The following EFNA5 variants were observed in gnomAD, a reference collection of about 807,000 sequenced individuals.
EFNA5 encodes ephrin A5.
A neutral mutation model predicts 22.9 loss-of-function variants in EFNA5; 5 were observed. That is an observed-to-expected ratio of 0.22 (90% CI 0.11 to 0.46). The LOEUF (loss-of-function observed/expected upper bound fraction) is 0.46, where lower values mean the gene tolerates loss of function less well. Ranked by LOEUF, EFNA5 falls within the 20% of genes least tolerant of loss-of-function variation. The pLI, the probability that EFNA5 is intolerant of heterozygous loss-of-function variation, is 0.99. For missense variants in EFNA5, 237 were observed against 293.3 expected, an observed-to-expected ratio of 0.81 and a Z score of 1.40; for synonymous variants, 113 against 112.2, an observed-to-expected ratio of 1.01 and a Z score of -0.04.
intron 1 of EFNA5, among the ~76,000 whole-genome samples, chr5:107,483,820 G>C (rs752228300): frequency 6.6e-6 from 1 of 152,122 alleles, no homozygotes; most frequent in Non-Finnish European, 1.5e-5. Context: ...CCAAGAACTG[G>C]GTAAGGCTAG....
At chr5:107,545,794 C>A (rs2112464068) in intron 1 of EFNA5, among the ~76,000 whole-genome samples, 1 of 152,306 alleles carries the variant, frequency 6.6e-6, no homozygotes, top group African/African-American at 2.4e-5. Flanking sequence ...GCCTTTTGCA[C>A]AGACCAAAAG....
chr5:107,466,894 G>A (rs26245), intron 1 of EFNA5, among the ~76,000 whole-genome samples: 21,588 of 152,076 alleles, frequency 0.14, 1,810 homozygotes, highest in African/African-American at 0.22. Flanking sequence ...GAGAAATACC[G>A]AAGAAGAGAT....
chr5:107,579,645 T>C (rs1361384218), intron 1 of EFNA5, among the ~76,000 whole-genome samples: 2 of 152,138 alleles, frequency 1.3e-5, no homozygotes, highest in African/African-American at 2.4e-5. Context: ...TCTCTCTCTG[T>C]CTGAATAATA....
intron 1 of EFNA5, among the ~76,000 whole-genome samples, chr5:107,634,070 T>C (rs1380035139): frequency 1.3e-5 from 2 of 152,222 alleles, no homozygotes; most frequent in Non-Finnish European, 2.9e-5. Context: ...CCACACAGTA[T>C]GTTTAATGGT....
intron 2 of EFNA5, among the ~76,000 whole-genome samples, chr5:107,391,525 A>T (rs1433374848): frequency 6.6e-6 from 1 of 152,192 alleles, no homozygotes; most frequent in Non-Finnish European, 1.5e-5. Context: ...CAGGTGAAAA[A>T]AAAATCTAGA....
intron 1 of EFNA5, among the ~76,000 whole-genome samples, chr5:107,514,860 T>A (rs542148916): frequency 1.9e-3 from 285 of 152,260 alleles, no homozygotes; most frequent in Admixed American, 3.7e-3. Context: ...TAAGAAGAAA[T>A]TAGGCAGATA....
chr5:107,458,336 T>A (rs1466637429), intron 1 of EFNA5, among the ~76,000 whole-genome samples: 2 of 152,056 alleles, frequency 1.3e-5, no homozygotes, highest in Non-Finnish European at 2.9e-5. Flanking sequence ...ATTCCTTTCC[T>A]CAAAGATTTC....
At chr5:107,549,785 T>C (rs1393914445) in intron 1 of EFNA5, among the ~76,000 whole-genome samples, 1 of 152,250 alleles carries the variant, frequency 6.6e-6, no homozygotes, top group South Asian at 2.1e-4. Flanking sequence ...GATCAGGCAT[T>C]GCTGCCCTGA....
chr5:107,542,518 C>T (rs959492782), intron 1 of EFNA5, among the ~76,000 whole-genome samples: 5 of 151,872 alleles, frequency 3.3e-5, no homozygotes, highest in Non-Finnish European at 7.4e-5. Flanking sequence ...CATAAACTTC[C>T]CACTTTCCTT....
rs1751183723 is a variant in EFNA5, at chr5:107,670,796, G to C, written c.-183C>G. The C allele has an allele frequency of 2.7e-6, 2 of 753,586 alleles. No homozygotes were observed. Among genetic ancestry groups the C allele is most frequent in the South Asian group, 1.9e-5 (1 of 52,372 alleles). 46.7% of individuals were successfully genotyped at this position (753,586 alleles called of 1,614,324 possible). A position where few individuals can be genotyped will look rare whatever the true frequency, so the allele number is the denominator to read the frequency against. On this transcript the variant is annotated 5_prime_UTR_variant, in exon 1 of 5. Transcript: ENST00000333274. ...CCAAGCTGGGGAGGGGTAGGAGAGCGAGAAGAAAAGAAGGCGGTGGGATGG... is the reference window on the plus strand; with the variant it reads ...CCAAGCTGGGGAGGGGTAGGAGAGCCAGAAGAAAAGAAGGCGGTGGGATGG...
rs569437433 is a variant in EFNA5, at chr5:107,592,292, G to A, written c.125+78197C>T. On this transcript the variant is annotated intron_variant, in intron 1 of 4. Coordinates refer to ENST00000333274, the MANE Select transcript of EFNA5 (RefSeq NM_001962.3). ...ATAGATTTCCAACATTTAAAAATAA[G>A]TTTGTATAAACTTCAATTATACCAA... Among the ~76,000 whole-genome samples the A allele has an allele frequency of 4.7e-5, 7 of 150,446 alleles. No homozygotes were observed. The Admixed American group carries it at 4.7e-4, about 10-fold the overall frequency.
chr5:107,662,725 T>C (rs971593803), intron 1 of EFNA5, among the ~76,000 whole-genome samples: 12 of 150,500 alleles, frequency 8.0e-5, no homozygotes, highest in Non-Finnish European at 1.6e-4. Context: ...GCTTCATATT[T>C]AGAGGTACCT....
At chr5:107,608,526 T>G (rs1340956350) in intron 1 of EFNA5, among the ~76,000 whole-genome samples, 1 of 152,238 alleles carries the variant, frequency 6.6e-6, no homozygotes, top group Admixed American at 6.5e-5. Context: ...CAGCTGAATA[T>G]GTTCTTTGCA....
chr5:107,545,846 G>A (rs849520), intron 1 of EFNA5, among the ~76,000 whole-genome samples: 33,174 of 151,992 alleles, frequency 0.22, 4,134 homozygotes, highest in Middle Eastern at 0.37. Context: ...TTTCCTAATC[G>A]AAACACTGTC....
At chr5:107,462,043 G>A (rs1036612335) in intron 1 of EFNA5, among the ~76,000 whole-genome samples, 2 of 152,144 alleles carry the variant, frequency 1.3e-5, no homozygotes, top group African/African-American at 4.8e-5. Flanking sequence ...TCTTCAGAAT[G>A]TTCTTTTTGC....
chr5:107,452,495 T>C (rs1013757082), intron 1 of EFNA5, among the ~76,000 whole-genome samples: 3 of 151,984 alleles, frequency 2.0e-5, no homozygotes, highest in Non-Finnish European at 4.4e-5. Flanking sequence ...AGGCTGAGAC[T>C]AGAGGATCAC....
chr5:107,528,803 T>C (rs902354006), intron 1 of EFNA5, among the ~76,000 whole-genome samples: 2 of 152,196 alleles, frequency 1.3e-5, no homozygotes, highest in Non-Finnish European at 2.9e-5. Flanking sequence ...GTTATATTAT[T>C]ATAAGCAATA....
intron 1 of EFNA5, among the ~76,000 whole-genome samples, chr5:107,594,389 C>T (rs2112506951): frequency 6.6e-6 from 1 of 152,162 alleles, no homozygotes; most frequent in Middle Eastern, 3.4e-3. Context: ...AAAAGGAAGA[C>T]AGAAAGGCAG....
chr5:107,630,527 T>C (rs1235478181), intron 1 of EFNA5, among the ~76,000 whole-genome samples: 2 of 152,034 alleles, frequency 1.3e-5, no homozygotes, highest in East Asian at 1.9e-4. Context: ...TACACCTATA[T>C]AGAACATTAC....
Sources: allele counts gnomAD v4.1 joint callset (sites outside exome capture counted in the v4.1 genomes callset), GRCh38; gene constraint gnomAD v4.1.1; transcripts MANE v1.5; gene names NCBI Gene and HGNC (gene_info 2026-07-23, HGNC 2026-07-21).